GPC6: variants seen among roughly 807,000 people sequenced by gnomAD.
The protein encoded by GPC6 is glypican 6, also known as glypican-6.
A neutral mutation model predicts 55.2 loss-of-function variants in GPC6; 14 were observed. That is an observed-to-expected ratio of 0.25 (90% CI 0.17 to 0.40). The LOEUF (loss-of-function observed/expected upper bound fraction) is 0.40, where lower values mean the gene tolerates loss of function less well. Ranked by LOEUF, GPC6 falls within the 10% of genes least tolerant of loss-of-function variation. GPC6 has a pLI of 1.00. For missense variants in GPC6, 641 were observed against 708.5 expected, an observed-to-expected ratio of 0.90 and a Z score of 1.08; for synonymous variants, 278 against 259.6, an observed-to-expected ratio of 1.07 and a Z score of -0.68.
intron 2 of GPC6, among the ~76,000 whole-genome samples, chr13:93,580,380 A>G (rs998371696): frequency 1.2e-4 from 18 of 152,230 alleles, no homozygotes; most frequent in African/African-American, 4.1e-4. Flanking sequence ...TATAACATGT[A>G]TTATATAACC....
At chr13:94,218,151 C>T (rs906821522) in intron 4 of GPC6, among the ~76,000 whole-genome samples, 3 of 152,248 alleles carry the variant, frequency 2.0e-5, no homozygotes, top group African/African-American at 7.2e-5. Context: ...GTAAGTGAAA[C>T]TCCAGTGAAC....
intron 1 of GPC6, among the ~76,000 whole-genome samples, chr13:93,305,581 A>G (rs1878829156): frequency 6.6e-6 from 1 of 152,182 alleles, no homozygotes; most frequent in South Asian, 2.1e-4. Flanking sequence ...TACTGATACT[A>G]CTGAAGGTAG....
chr13:93,950,565 C>T (rs1210309640), intron 3 of GPC6, among the ~76,000 whole-genome samples: 2 of 152,192 alleles, frequency 1.3e-5, no homozygotes, highest in East Asian at 1.9e-4. Flanking sequence ...GCTAATCCCA[C>T]TTGTCCTTAA....
chr13:93,332,575 T>C (rs1879891747), intron 1 of GPC6, among the ~76,000 whole-genome samples: 1 of 152,100 alleles, frequency 6.6e-6, no homozygotes, highest in Non-Finnish European at 1.5e-5. Flanking sequence ...TTTTTGCTAT[T>C]GAGTGGTTTG....
At chr13:93,528,970 G>A (rs141106106) in intron 1 of GPC6, among the ~76,000 whole-genome samples, 1 of 152,050 alleles carries the variant, frequency 6.6e-6, no homozygotes, top group Admixed American at 6.5e-5. Flanking sequence ...GCATTAGTAT[G>A]TGGACTGTCT....
At chr13:93,959,182 A>T (rs1334855667) in intron 3 of GPC6, among the ~76,000 whole-genome samples, 6 of 142,238 alleles carry the variant, frequency 4.2e-5, no homozygotes, top group Non-Finnish European at 7.5e-5. Flanking sequence ...TTTTCCCTTG[A>T]GGCTGAGACT....
chr13:93,366,002 T>C (rs1221315829), intron 1 of GPC6, among the ~76,000 whole-genome samples: 1 of 152,116 alleles, frequency 6.6e-6, no homozygotes, highest in Non-Finnish European at 1.5e-5. Context: ...ATATTTTTAC[T>C]AAGGTTTGGT....
intron 4 of GPC6, among the ~76,000 whole-genome samples, chr13:94,245,364 A>G (rs1241707508): frequency 6.6e-6 from 1 of 151,624 alleles, no homozygotes; most frequent in Non-Finnish European, 1.5e-5. Flanking sequence ...TTTGAGACCA[A>G]ACTGGGTAAC....
chr13:94,361,111 A>G (rs1246176935), intron 6 of GPC6, among the ~76,000 whole-genome samples: 1 of 152,216 alleles, frequency 6.6e-6, no homozygotes, highest in East Asian at 1.9e-4. Context: ...CTACCTTTCA[A>G]CATTTTTTAC....
At chr13:93,357,225 T>C (rs1323974) in intron 1 of GPC6, among the ~76,000 whole-genome samples, 53,567 of 152,034 alleles carry the variant, frequency 0.35, 11,241 homozygotes, top group East Asian at 0.8. Flanking sequence ...TTAGGTGGTT[T>C]TTATTCGCTG....
intron 1 of GPC6, among the ~76,000 whole-genome samples, chr13:93,391,826 G>A (rs902611300): frequency 7.9e-5 from 12 of 151,980 alleles, no homozygotes; most frequent in South Asian, 6.2e-4. Context: ...GATGAGTTAC[G>A]GCAGATTCTT....
chr13:93,883,996 C>A (rs1295443921), intron 3 of GPC6, among the ~76,000 whole-genome samples: 1 of 152,022 alleles, frequency 6.6e-6, no homozygotes, highest in African/African-American at 2.4e-5. Context: ...AAATCTGTAA[C>A]AAAAGACACC....
intron 1 of GPC6, among the ~76,000 whole-genome samples, chr13:93,228,971 G>C (rs1318155200): frequency 1.3e-5 from 2 of 152,184 alleles, no homozygotes; most frequent in Non-Finnish European, 2.9e-5. Context: ...GGGAAAAAAA[G>C]AGGCGCAAAT....
chr13:93,723,291 T>C (rs955259258), intron 2 of GPC6, among the ~76,000 whole-genome samples: 1 of 151,952 alleles, frequency 6.6e-6, no homozygotes, highest in Non-Finnish European at 1.5e-5. Context: ...GATGCATTAC[T>C]TGTGTTTTGA....
At chr13:94,261,210 G>A (rs1253061783) in intron 4 of GPC6, among the ~76,000 whole-genome samples, 1 of 152,156 alleles carries the variant, frequency 6.6e-6, no homozygotes, top group African/African-American at 2.4e-5. Context: ...AGGGGGCGGA[G>A]GTTGCAGTAA....
At chr13:93,320,233 A>T (rs1428780839) in intron 1 of GPC6, among the ~76,000 whole-genome samples, 1 of 152,152 alleles carries the variant, frequency 6.6e-6, no homozygotes, top group African/African-American at 2.4e-5. Flanking sequence ...TTAAAAAGTG[A>T]AATTTTATAT....
intron 1 of GPC6, among the ~76,000 whole-genome samples, chr13:93,484,082 A>G (rs1313206752): frequency 6.6e-6 from 1 of 152,152 alleles, no homozygotes; most frequent in Non-Finnish European, 1.5e-5. Context: ...AAGTATTAAA[A>G]TTTTGTAAAT....
intron 6 of GPC6, among the ~76,000 whole-genome samples, chr13:94,332,610 C>G (rs1342809214): frequency 6.6e-6 from 1 of 152,208 alleles, no homozygotes; most frequent in Non-Finnish European, 1.5e-5. Context: ...AATCTGCCTT[C>G]TGAGTAGAGC....
At chr13:93,243,887 T>TG (rs1450612213) in intron 1 of GPC6, among the ~76,000 whole-genome samples, 1 of 152,032 alleles carries the variant, frequency 6.6e-6, no homozygotes, top group East Asian at 1.9e-4. Flanking sequence ...AACCAGCTGC[T>TG]GGGGTGGCCA....
Sources: gnomAD v4.1 joint callset for allele counts (sites outside exome capture counted in the v4.1 genomes callset) on GRCh38, gnomAD v4.1.1 for gene constraint, MANE v1.5 for transcripts, NCBI Gene and HGNC (gene_info 2026-07-23, HGNC 2026-07-21) for gene names.